The following FHIT variants were observed in gnomAD, a reference collection of about 807,000 sequenced individuals.
The protein encoded by FHIT is bis(5'-adenosyl)-triphosphatase.
Under a neutral mutation model 17.9 loss-of-function variants are expected in FHIT, and 19 were observed. That is an observed-to-expected ratio of 1.06 (90% CI 0.74 to 1.56). The LOEUF is 1.56. Ranked by LOEUF, FHIT falls within the 40% of genes most tolerant of loss-of-function variation. The pLI is 0.00. For synonymous variants in FHIT, 81 were observed against 69.7 expected, an observed-to-expected ratio of 1.16 and a Z score of -0.81; for missense variants, 248 against 189.2, an observed-to-expected ratio of 1.31 and a Z score of -1.82.
chr3:60,569,460 G>T (rs568607260), intron 4 of FHIT, among the ~76,000 whole-genome samples: 2 of 152,024 alleles, frequency 1.3e-5, no homozygotes, highest in South Asian at 2.1e-4. Flanking sequence ...GTGAATAGAT[G>T]TAAGGAAATC....
At position 60,988,946 on chromosome 3, in the gene FHIT, T is replaced by TAAAAA. The variant is rs535898632; in HGVS notation, c.-111+53096_-111+53100dup. ...TTTTTTCAAATGGCCATGGCTTTGT[T>TAAAAA]AAAAAAAAAAAAAAAAAAAAAAAAA... On this transcript the variant is annotated intron_variant, in intron 3 of 9. Transcript: ENST00000492590. Among the ~76,000 whole-genome samples the TAAAAA allele has an allele frequency of 8.3e-3, 285 of 34,334 alleles. 27 individuals carry two copies. Among genetic ancestry groups the TAAAAA allele is most frequent in the Non-Finnish European group, 0.011 (227 of 20,472 alleles). 22.5% of individuals were successfully genotyped at this position (34,334 alleles called of 152,430 possible). A position where few individuals can be genotyped will look rare whatever the true frequency, so the allele number is the denominator to read the frequency against.
intron 3 of FHIT, among the ~76,000 whole-genome samples, chr3:60,878,327 G>A (rs111795263): frequency 0.01 from 1,576 of 152,100 alleles, 31 homozygotes; most frequent in African/African-American, 0.035. Context: ...GCCACTTCAA[G>A]TACCAATCCC....
chr3:60,254,903 G>C (rs549317779), intron 5 of FHIT, among the ~76,000 whole-genome samples: 6 of 152,194 alleles, frequency 3.9e-5, no homozygotes, highest in Non-Finnish European at 8.8e-5. Flanking sequence ...GTGCTCATAA[G>C]CACATCACAA....
At chr3:59,761,393 G>T (rs1225475014) in intron 8 of FHIT, among the ~76,000 whole-genome samples, 3 of 152,096 alleles carry the variant, frequency 2.0e-5, no homozygotes, top group Non-Finnish European at 2.9e-5. Context: ...TCACCCAGTG[G>T]ATGCCTGAAA....
intron 4 of FHIT, among the ~76,000 whole-genome samples, chr3:60,763,917 G>T (rs2108059642): frequency 6.6e-6 from 1 of 152,256 alleles, no homozygotes; most frequent in African/African-American, 2.4e-5. Flanking sequence ...GTAAAAAGTT[G>T]TGTTCATTTG....
At chr3:60,231,260 C>T (rs1704482402) in intron 5 of FHIT, among the ~76,000 whole-genome samples, 3 of 152,114 alleles carry the variant, frequency 2.0e-5, no homozygotes, top group Admixed American at 6.5e-5. Flanking sequence ...TACACAGAAG[C>T]GCACACATAT....
chr3:61,076,860 C>G (rs541021487), intron 2 of FHIT, among the ~76,000 whole-genome samples: 13 of 152,260 alleles, frequency 8.5e-5, no homozygotes, highest in Admixed American at 8.5e-4. Context: ...AATCTCTCTG[C>G]AAATATTCAT....
At chr3:60,654,936 C>T (rs2040080101) in intron 4 of FHIT, among the ~76,000 whole-genome samples, 2 of 151,838 alleles carry the variant, frequency 1.3e-5, no homozygotes, top group Admixed American at 6.6e-5. Context: ...TATTGAGTGC[C>T]CATATCTCAT....
At chr3:60,973,509 G>C (rs1042819845) in intron 3 of FHIT, among the ~76,000 whole-genome samples, 2 of 151,992 alleles carry the variant, frequency 1.3e-5, no homozygotes, top group African/African-American at 2.4e-5. Flanking sequence ...CTTTCCTCTG[G>C]GATCTTGTTT....
chr3:59,907,761 A>G (rs917815170), intron 8 of FHIT, among the ~76,000 whole-genome samples: 3 of 152,248 alleles, frequency 2.0e-5, no homozygotes, highest in Non-Finnish European at 4.4e-5. Flanking sequence ...CAAATGTATT[A>G]TCTTACAGCA....
chr3:60,263,606 A>C (rs1444583448), intron 5 of FHIT, among the ~76,000 whole-genome samples: 1 of 151,958 alleles, frequency 6.6e-6, no homozygotes, highest in Non-Finnish European at 1.5e-5. Flanking sequence ...CAAAATACTT[A>C]AAAAGCCAAA....
intron 5 of FHIT, among the ~76,000 whole-genome samples, chr3:60,233,731 G>A (rs773777979): frequency 3.9e-5 from 6 of 152,116 alleles, no homozygotes; most frequent in Non-Finnish European, 7.3e-5. Context: ...GGGACCCGGT[G>A]GCAGGTAATT....
At chr3:59,907,335 TG>T (rs1704629293) in intron 8 of FHIT, among the ~76,000 whole-genome samples, 1 of 152,210 alleles carries the variant, frequency 6.6e-6, no homozygotes, top group South Asian at 2.1e-4. Context: ...ATCACTGGTG[TG>T]CCATTTCCTT....
chr3:60,667,117 C>T (rs1478565632), intron 4 of FHIT, among the ~76,000 whole-genome samples: 3 of 146,472 alleles, frequency 2.0e-5, no homozygotes, highest in African/African-American at 7.7e-5. Flanking sequence ...GCAATATGGC[C>T]ACCTCAGCCT....
chr3:59,920,701 A>T (rs558623888), intron 8 of FHIT, among the ~76,000 whole-genome samples: 2 of 152,336 alleles, frequency 1.3e-5, no homozygotes, highest in Non-Finnish European at 2.9e-5. Flanking sequence ...AAACAGTCGT[A>T]TTTGGCAACA....
chr3:59,950,414 T>C (rs1170320878), intron 7 of FHIT, among the ~76,000 whole-genome samples: 2 of 152,186 alleles, frequency 1.3e-5, no homozygotes, highest in African/African-American at 4.8e-5. Flanking sequence ...ATCAGGCACA[T>C]GCCAGCCTTG....
intron 9 of FHIT, chr3:59,751,344 A>T: frequency 5.5e-6 from 1 of 182,482 alleles, no homozygotes; most frequent in Non-Finnish European, 1.2e-5. Context: ...AGGTTCAAGC[A>T]GTTCTCCTGC....
At chr3:60,252,024 T>A (rs1025291282) in intron 5 of FHIT, among the ~76,000 whole-genome samples, 3 of 152,180 alleles carry the variant, frequency 2.0e-5, no homozygotes, top group African/African-American at 7.2e-5. Context: ...GGGAAAAATT[T>A]TATGTCATGA....
intron 3 of FHIT, among the ~76,000 whole-genome samples, chr3:60,917,565 T>C (rs367580147): frequency 1.5e-4 from 23 of 152,258 alleles, no homozygotes; most frequent in African/African-American, 5.1e-4. Flanking sequence ...TACACTGGCC[T>C]CTATCAAGCA....
Sources: allele counts gnomAD v4.1 joint callset (sites outside exome capture counted in the v4.1 genomes callset), GRCh38; gene constraint gnomAD v4.1.1; transcripts MANE v1.5; gene names NCBI Gene and HGNC (gene_info 2026-07-23, HGNC 2026-07-21).